Variants in PHF2 observed in about 807,000 individuals in gnomAD.
The protein encoded by PHF2 is PHD finger protein 2.
PHF2 carries 27 observed loss-of-function variants against 120.5 expected under a neutral mutation model. The ratio of observed to expected loss-of-function variants is 0.22; its 90% CI spans 0.17 to 0.31. The LOEUF is 0.31. Among genes scored for constraint, PHF2 ranks in the 10% least tolerant of loss-of-function variants. The pLI is 1.00. For synonymous variants in PHF2, 568 were observed against 592.5 expected (o/e 0.96, Z 0.60); for missense variants, 1,024 against 1,434.8 (o/e 0.71, Z 4.63).
At chr9:93,671,796 G>A (rs1159007460) in intron 17 of PHF2, among the ~76,000 whole-genome samples, 4 of 129,348 alleles carry the variant, frequency 3.1e-5, no homozygotes, top group Non-Finnish European at 4.9e-5. Flanking sequence ...GTAGATGCAG[G>A]TGTGGGTGTG....
intron 12 of PHF2, among the ~76,000 whole-genome samples, chr9:93,660,934 G>A (rs1265425229): frequency 6.6e-6 from 1 of 152,202 alleles, no homozygotes; most frequent in African/African-American, 2.4e-5. Flanking sequence ...TTTCCAGAAG[G>A]GGATGTCTAG....
chr9:93,671,858 GT>G (rs1826800681), intron 17 of PHF2, among the ~76,000 whole-genome samples: 3 of 142,258 alleles, frequency 2.1e-5, no homozygotes, highest in South Asian at 2.3e-4. Context: ...AGGCACAGGT[GT>G]AGATGCAGGT....
intron 1 of PHF2, among the ~76,000 whole-genome samples, chr9:93,605,457 T>A (rs1178346871): frequency 1.3e-5 from 2 of 152,190 alleles, no homozygotes; most frequent in African/African-American, 4.8e-5. Context: ...ACCATTGCAA[T>A]GTAATACAGA....
chr9:93,669,460 G>A (rs1198857511), intron 17 of PHF2, among the ~76,000 whole-genome samples: 4 of 152,264 alleles, frequency 2.6e-5, no homozygotes, highest in Non-Finnish European at 2.9e-5. Flanking sequence ...GGCAGCTCCC[G>A]GCAGTGCCTT....
intron 4 of PHF2, among the ~76,000 whole-genome samples, chr9:93,646,196 G>A (rs910085431): frequency 5.9e-5 from 9 of 152,192 alleles, no homozygotes; most frequent in African/African-American, 1.7e-4. Flanking sequence ...CTGCCCCCAC[G>A]GCACCAGAAT....
chr9:93,620,213 G>A (rs904608654), intron 1 of PHF2, among the ~76,000 whole-genome samples: 2 of 152,158 alleles, frequency 1.3e-5, no homozygotes, highest in African/African-American at 4.8e-5. Flanking sequence ...TTCCCAGGAG[G>A]GAGAGGCCCA....
At chr9:93,581,478 A>G (rs181295065) in intron 1 of PHF2, among the ~76,000 whole-genome samples, 2 of 152,266 alleles carry the variant, frequency 1.3e-5, no homozygotes, top group Admixed American at 6.5e-5. Context: ...TCATTTTAAA[A>G]CAAGGAATTC....
chr9:93,614,228 G>A (rs1825684747), intron 1 of PHF2, among the ~76,000 whole-genome samples: 1 of 152,230 alleles, frequency 6.6e-6, no homozygotes, highest in Admixed American at 6.5e-5. Context: ...GGCTCTTTAA[G>A]TAGCACAGGG....
chr9:93,631,015 A>AC (rs1426880775), intron 2 of PHF2, among the ~76,000 whole-genome samples: 2 of 151,816 alleles, frequency 1.3e-5, no homozygotes, highest in East Asian at 3.9e-4. Flanking sequence ...TCAAAGGGAG[A>AC]CCCCTCCCAG....
chr9:93,647,379 AG>A (rs1254586084), intron 4 of PHF2, among the ~76,000 whole-genome samples: 2 of 152,088 alleles, frequency 1.3e-5, no homozygotes, highest in Admixed American at 1.3e-4. Flanking sequence ...TTCCCTCCAC[AG>A]CTGTCCCTGC....
chr9:93,623,976 G>A (rs539080485), intron 1 of PHF2, among the ~76,000 whole-genome samples: 24 of 152,172 alleles, frequency 1.6e-4, no homozygotes, highest in Non-Finnish European at 3.4e-4. Flanking sequence ...TGTTCACTCC[G>A]GGCCAGGCCC....
chr9:93,587,618 T>G (rs1863079754), intron 1 of PHF2, among the ~76,000 whole-genome samples: 1 of 91,522 alleles, frequency 1.1e-5, no homozygotes, highest in Admixed American at 1.2e-4. Flanking sequence ...ATGGAGGAGC[T>G]CTGAGGGGTG....
intron 3 of PHF2, among the ~76,000 whole-genome samples, chr9:93,643,866 C>T (rs1350398002): frequency 2.6e-5 from 4 of 152,274 alleles, no homozygotes; most frequent in Admixed American, 1.3e-4. Flanking sequence ...CCACTCACAA[C>T]AGTCTCCTGG....
chr9:93,614,718 C>A (rs983481398), intron 1 of PHF2, among the ~76,000 whole-genome samples: 6 of 152,014 alleles, frequency 3.9e-5, no homozygotes, highest in Admixed American at 1.3e-4. Flanking sequence ...CTCAGCTACT[C>A]CCTGCCAGAA....
rs1825272298 is a variant in PHF2, at chr9:93,593,399, G to A, written c.98+16528G>A. On this transcript the variant is annotated intron_variant, in intron 1 of 21. Transcript: ENST00000359246. ...TTTGCTCTCTGGTCAAATTTGTCTT[G>A]TGTCTCTGAGGCTTTTATCCAGATT... 2.6e-5 allele frequency among the ~76,000 whole-genome samples: 4 copies of A among 152,280 alleles called. No homozygotes were observed. The South Asian group carries it at 6.2e-4, about 24-fold the overall frequency.
chr9:93,634,743 C>G (rs1269013581), intron 2 of PHF2, among the ~76,000 whole-genome samples: 31 of 152,256 alleles, frequency 2.0e-4, no homozygotes, highest in Admixed American at 2.0e-3. Context: ...GACACTCCCC[C>G]TGTGCCCACT....
rs1419273876 is a variant in PHF2 at position 93,673,787 on chromosome 9, A to C, written c.2551A>C (p.Lys851Gln). Residue 851 changes from lysine (K) to glutamine (Q), a missense_variant, in exon 18 of 22, where the codon AAG (lysine) becomes CAG (glutamine). Around this residue, in one of 2 missense-constraint regions of PHF2, gnomAD observed 677 missense variants for 857.4 expected, o/e 0.79. Coordinates refer to ENST00000359246, the MANE Select transcript of PHF2 (RefSeq NM_005392.4). ...AGKRLLKRAA[K>Q]NSVDLDDYEE... ...CAAACGACTGCTGAAGAGGGCTGCC[A>C]AGAACAGTGTCGACCTGGACGACTA... 2 of 1,613,346 alleles carry C rather than the reference A, an allele frequency of 1.2e-6. No individual in the cohort carries two copies. Among genetic ancestry groups the C allele is most frequent in the South Asian group, 1.1e-5 (1 of 91,022 alleles).
chr9:93,632,937 A>AGGCT (rs199828278), intron 2 of PHF2, among the ~76,000 whole-genome samples: 1 of 82,764 alleles, frequency 1.2e-5, no homozygotes, highest in East Asian at 2.8e-4. Context: ...CTGTGCCCAG[A>AGGCT]GGCTATGATG....
intron 6 of PHF2, among the ~76,000 whole-genome samples, chr9:93,654,202 A>G (rs1357306228): frequency 6.6e-6 from 1 of 152,164 alleles, no homozygotes; most frequent in Non-Finnish European, 1.5e-5. Context: ...ATGTGGGATT[A>G]TGGGCTTTAG....
Sources: gnomAD v4.1 joint callset for allele counts (sites outside exome capture counted in the v4.1 genomes callset) on GRCh38, gnomAD v4.1.1 for gene constraint, gnomAD v4.1.1 regional missense constraint, MANE v1.5 for transcripts, NCBI Gene and HGNC (gene_info 2026-07-23, HGNC 2026-07-21) for gene names.